Variants in GPM6B observed in about 807,000 individuals in gnomAD.
GPM6B encodes neuronal membrane glycoprotein M6-b.
Under a neutral mutation model 27.2 loss-of-function variants are expected in GPM6B, and 4 were observed. The ratio of observed to expected loss-of-function variants is 0.15; its 90% CI spans 0.07 to 0.34. The LOEUF is 0.34. GPM6B is among the 10% of genes least tolerant of loss of function. GPM6B has a pLI of 1.00. For synonymous variants in GPM6B, 124 were observed against 103.1 expected, an observed-to-expected ratio of 1.20 and a Z score of -1.23; for missense variants, 183 against 261.9, an observed-to-expected ratio of 0.70 and a Z score of 2.08.
intron 2 of GPM6B, among the ~76,000 whole-genome samples, chrX:13,795,661 T>C (rs184016344): frequency 1.8e-5 from 2 of 111,303 alleles, no homozygotes; most frequent in African/African-American, 6.5e-5. Flanking sequence ...ATTACTTAGG[T>C]TGACATATAA....
chrX:13,827,177 G>C (rs1320599052), intron 1 of GPM6B, among the ~76,000 whole-genome samples: 1 of 108,649 alleles, frequency 9.2e-6, no homozygotes, highest in Non-Finnish European at 1.9e-5. Context: ...CAATCGCACT[G>C]TCTCCCCATC....
intron 1 of GPM6B, among the ~76,000 whole-genome samples, chrX:13,874,498 G>A (rs2050012307): frequency 1.0e-5 from 1 of 99,503 alleles, no homozygotes; most frequent in Non-Finnish European, 2.0e-5. Flanking sequence ...AAGAGTTCAA[G>A]ACCAGCCTGG....
intron 1 of GPM6B, among the ~76,000 whole-genome samples, chrX:13,824,819 C>T (rs2049352841): frequency 8.9e-6 from 1 of 112,126 alleles, no homozygotes; most frequent in Non-Finnish European, 1.9e-5. Flanking sequence ...AACAAAGTAC[C>T]ACAAAGTGGG....
At chrX:13,876,622 G>A (rs907751243) in intron 1 of GPM6B, among the ~76,000 whole-genome samples, 1 of 111,654 alleles carries the variant, frequency 9.0e-6, no homozygotes, top group Admixed American at 9.5e-5. Flanking sequence ...GATGGTCAAT[G>A]GTGGTCTGGA....
At chrX:13,814,450 A>G (rs1404759492) in intron 1 of GPM6B, among the ~76,000 whole-genome samples, 1 of 112,719 alleles carries the variant, frequency 8.9e-6, no homozygotes, top group Admixed American at 9.4e-5. Flanking sequence ...TGAAAGGCTT[A>G]AAAGAAAAAC....
intron 1 of GPM6B, among the ~76,000 whole-genome samples, chrX:13,892,937 T>C (rs1370841182): frequency 1.8e-5 from 2 of 111,956 alleles, no homozygotes; most frequent in African/African-American, 6.5e-5. Context: ...CCCAGCTACT[T>C]GGGATTGCTT....
Position 13,839,464 on chromosome X carries a change from C to T in GPM6B, c.-197-53656G>A, listed in dbSNP as rs147613724. Among the ~76,000 whole-genome samples the T allele has an allele frequency of 2.5e-4, 28 of 111,926 alleles. No individual in the cohort carries two copies. The East Asian group carries it at 3.1e-3, about 12-fold the overall frequency. ...GGCCGTGGTCACTCATATTTGGCTC[C>T]GAATAAACTTCTTTAAATATTTTTA... On this transcript the variant is annotated intron_variant, in intron 1 of 6. Coordinates refer to the GPM6B transcript ENST00000398361.
chrX:13,779,247 TCA>T (rs2048471321), intron 5 of GPM6B, among the ~76,000 whole-genome samples: 1 of 112,110 alleles, frequency 8.9e-6, no homozygotes, highest in East Asian at 2.8e-4. Context: ...TGTAAGGATC[TCA>T]CTCATTAGAA....
intron 1 of GPM6B, among the ~76,000 whole-genome samples, chrX:13,936,179 A>G (rs1195596046): frequency 2.7e-5 from 3 of 112,248 alleles, no homozygotes; most frequent in Non-Finnish European, 5.6e-5. Flanking sequence ...AAACGTGTGA[A>G]TTGTATGATA....
intron 1 of GPM6B, among the ~76,000 whole-genome samples, chrX:13,922,604 A>G (rs902320036): frequency 8.9e-6 from 1 of 112,110 alleles, no homozygotes; most frequent in African/African-American, 3.2e-5. Flanking sequence ...GCTACTTCAC[A>G]TATGAGTTTT....
intron 1 of GPM6B, among the ~76,000 whole-genome samples, chrX:13,906,409 C>G (rs1031077993): frequency 8.9e-6 from 1 of 111,980 alleles, no homozygotes; most frequent in Non-Finnish European, 1.9e-5. Context: ...ACACCATGTC[C>G]CTATTGGGGG....
intron 1 of GPM6B, among the ~76,000 whole-genome samples, chrX:13,913,969 C>T (rs1237553749): frequency 1.8e-5 from 2 of 109,884 alleles, no homozygotes; most frequent in East Asian, 5.7e-4. Context: ...CCAGGCTGGT[C>T]CCGAACTCCT....
chrX:13,855,842 C>T (rs893541380), intron 1 of GPM6B, among the ~76,000 whole-genome samples: 3 of 111,799 alleles, frequency 2.7e-5, no homozygotes, highest in African/African-American at 9.7e-5. Flanking sequence ...GCCTCCACTG[C>T]GGTGGTGCAG....
intron 1 of GPM6B, among the ~76,000 whole-genome samples, chrX:13,927,245 G>A (rs1165911926): frequency 8.9e-6 from 1 of 112,040 alleles, no homozygotes; most frequent in Non-Finnish European, 1.9e-5. Flanking sequence ...GCAAATGCTG[G>A]TAAAGATACA....
intron 1 of GPM6B, among the ~76,000 whole-genome samples, chrX:13,897,766 G>A (rs142507335): frequency 0.013 from 1,433 of 111,416 alleles, 21 homozygotes; most frequent in African/African-American, 0.044. Flanking sequence ...GGGCTCGCTC[G>A]AACACCACTC....
intron 1 of GPM6B, among the ~76,000 whole-genome samples, chrX:13,860,519 C>G (rs1278307874): frequency 1.9e-5 from 2 of 107,123 alleles, no homozygotes; most frequent in Admixed American, 2.0e-4. Flanking sequence ...TCCTTATTCT[C>G]GAGGATTATC....
At chrX:13,868,040 G>T (rs2049937302) in intron 1 of GPM6B, among the ~76,000 whole-genome samples, 1 of 112,073 alleles carries the variant, frequency 8.9e-6, no homozygotes, top group African/African-American at 3.2e-5. Context: ...CTATGCACAT[G>T]AGTATCTAGC....
intron 2 of GPM6B, among the ~76,000 whole-genome samples, chrX:13,797,098 C>G (rs1359555827): frequency 8.9e-6 from 1 of 112,184 alleles, no homozygotes; most frequent in East Asian, 2.8e-4. Context: ...TAGCAGCAAT[C>G]AGTTTCCTTG....
intron 5 of GPM6B, 54 bp downstream of exon 5, chrX:13,779,764 A>C (rs1183883866): frequency 1.0e-6 from 1 of 994,942 alleles, no homozygotes; most frequent in African/African-American, 1.9e-5. Flanking sequence ...GTCCAGACAT[A>C]TGCACGAGAG....
Sources: gnomAD v4.1 joint callset for allele counts (sites outside exome capture counted in the v4.1 genomes callset) on GRCh38, gnomAD v4.1.1 for gene constraint, MANE v1.5 for transcripts, NCBI Gene and HGNC (gene_info 2026-07-23, HGNC 2026-07-21) for gene names.